The following ARL5B variants were observed in gnomAD, a reference collection of about 807,000 sequenced individuals.
ARL5B encodes ADP-ribosylation factor-like protein 5B.
A neutral mutation model predicts 26.9 loss-of-function variants in ARL5B; 10 were observed. That is an observed-to-expected ratio of 0.37 (90% CI 0.23 to 0.63). The LOEUF (loss-of-function observed/expected upper bound fraction) is 0.63, where lower values mean the gene tolerates loss of function less well. ARL5B is among the 30% of genes least tolerant of loss of function. ARL5B has a pLI of 0.62. For synonymous variants in ARL5B, 87 were observed against 70.4 expected (o/e 1.24, Z -1.18); for missense variants, 167 against 213.9 (o/e 0.78, Z 1.37).
Position 18,676,615 on chromosome 10 carries a change from G to C in ARL5B, c.*1399G>C, listed in dbSNP as rs371450710. 22 of 152,054 alleles carry C rather than the reference G, an allele frequency of 1.4e-4. No individual in the cohort carries two copies. The highest frequency in any genetic ancestry group is 5.1e-4 in the African/African-American group (21 of 41,532). The allele number at this position is 152,054 out of a possible 1,614,324, so 9.4% of individuals were successfully genotyped here. Reference sequence around the variant, plus strand: ...ATGAAAGGGATAAAATGAATACTTAGAGAATAATACTTCATTTTTGCAGTA... The same window carrying C: ...ATGAAAGGGATAAAATGAATACTTACAGAATAATACTTCATTTTTGCAGTA... On this transcript the variant is annotated 3_prime_UTR_variant, in exon 6 of 6. Coordinates refer to ENST00000377275, the MANE Select transcript of ARL5B (RefSeq NM_178815.5).
chr10:18,666,188 G>A (rs1430014047), intron 1 of ARL5B, among the ~76,000 whole-genome samples: 1 of 152,156 alleles, frequency 6.6e-6, no homozygotes, highest in Admixed American at 6.5e-5. Flanking sequence ...TTGATAAAAA[G>A]CTAACTTGAT....
At position 18,673,781 on chromosome 10, in the gene ARL5B, C is replaced by T. The variant is rs1188879897; in HGVS notation, c.340-203C>T. Among the ~76,000 whole-genome samples the T allele has an allele frequency of 2.7e-5, 4 of 150,494 alleles. No homozygotes were observed. In the East Asian group the frequency reaches 7.7e-4, roughly 29 times the overall value. On this transcript the variant is annotated intron_variant, in intron 4 of 5. Coordinates refer to ENST00000377275, the MANE Select transcript of ARL5B (RefSeq NM_178815.5). ...GTGTATTTTTTTTTTTCAGTTTGAC[C>T]AGTTCGACTCAAAAATAAAAAATAA...
chr10:18,666,772 G>A lies in ARL5B; in HGVS notation c.107+137G>A, dbSNP rs17623007. The A allele has an allele frequency of 7.0e-3, 4,488 of 642,122 alleles. 91 individuals are homozygous for A. The highest frequency in any genetic ancestry group is 0.046 in the African/African-American group (2,418 of 53,044). 39.8% of individuals were successfully genotyped at this position (642,122 alleles called of 1,614,324 possible). A position where few individuals can be genotyped will look rare whatever the true frequency, so the allele number is the denominator to read the frequency against. ...TGTTTTTTGTTTTTTTAATTTTACC[G>A]AACACAATCTATAGAAAAGTGAGTG... On this transcript the variant is annotated intron_variant, in intron 2 of 5. Coordinates refer to ENST00000377275, the MANE Select transcript of ARL5B (RefSeq NM_178815.5).
Position 18,672,659 on chromosome 10 carries a change from G to A in ARL5B, c.293G>A (p.Arg98Gln). The change falls in exon 4 of 6, where the codon CGA (arginine) becomes CAA (glutamine). Residue 98 changes from arginine (R) to glutamine (Q), a missense_variant. By Grantham distance (43) the Arg-to-Gln change is conservative. Coordinates refer to ENST00000377275, the MANE Select transcript of ARL5B (RefSeq NM_178815.5). ...GTTGTTGATAGCATTGACAGGGAACGACTAGCTATTACAAAAGAAGAATTA... is the reference window on the plus strand; with the variant it reads ...GTTGTTGATAGCATTGACAGGGAACAACTAGCTATTACAAAAGAAGAATTA... Reference protein sequence around the residue: ...ILVVDSIDRERLAITKEELYR... With the variant: ...ILVVDSIDREQLAITKEELYR... The A allele has an allele frequency of 6.2e-7, 1 of 1,610,388 alleles. No individual in the cohort carries two copies. The highest frequency in any genetic ancestry group is 8.5e-7 in the Non-Finnish European group (1 of 1,178,268).
rs188826799 is a variant in ARL5B at position 18,672,911 on chromosome 10, G to T, written c.339+206G>T. ...AAAAACCCTAACACATTAATTTGTA[G>T]ATTACTACTGTTATTGTAAAAATTT... On this transcript the variant is annotated intron_variant, in intron 4 of 5. Transcript: ENST00000377275. Among the ~76,000 whole-genome samples, 15 of 152,162 alleles carry T rather than the reference G, an allele frequency of 9.9e-5. No homozygotes were observed. The East Asian group carries it at 2.9e-3, about 29-fold the overall frequency.
chr10:18,674,235 T>G, intron 5 of ARL5B, 100 bp downstream of exon 5: 1 of 1,141,538 alleles, frequency 8.8e-7, no homozygotes, highest in Non-Finnish European at 1.2e-6. Flanking sequence ...CTTTTCTGTT[T>G]GTTTGTTCTT....
chr10:18,662,986 A>G (rs2059843807), intron 1 of ARL5B, among the ~76,000 whole-genome samples: 1 of 150,168 alleles, frequency 6.7e-6, no homozygotes, highest in South Asian at 2.1e-4. Flanking sequence ...TACAGACGTG[A>G]ACCACTATGC....
In ARL5B at chr10:18,668,520, T is replaced by G. The variant is rs776903577; in HGVS notation, c.108-10T>G. 2.7e-5 allele frequency: 44 copies of G among 1,612,990 alleles called. No individual in the cohort carries two copies. In the African/African-American group the frequency reaches 3.7e-4, roughly 14 times the overall value. On this transcript the variant is annotated splice_polypyrimidine_tract_variant and intron_variant, in intron 2 of 5. Transcript: ENST00000377275. ...TTACAAGAGCTTTTACGGTGTCTGT[T>G]TTTCAACAGCTTAATGAATGAAGTG...
At position 18,675,567 on chromosome 10, in the gene ARL5B, G is replaced by T. The variant is rs778075547; in HGVS notation, c.*351G>T. On this transcript the variant is annotated 3_prime_UTR_variant, in exon 6 of 6. Coordinates refer to ENST00000377275, the MANE Select transcript of ARL5B (RefSeq NM_178815.5). ...TAATGACCAATTGCTTTCAATTCTT[G>T]ACCAGCACTCCCTCCCAACCAGAGA... is the stretch of plus-strand genomic sequence containing the variant. 6 of 208,658 alleles carry T rather than the reference G, an allele frequency of 2.9e-5. No homozygotes were observed. The highest frequency in any genetic ancestry group is 1.1e-4 in the East Asian group (1 of 8,766). 12.9% of individuals were successfully genotyped at this position (208,658 alleles called of 1,614,324 possible).
At chr10:18,662,038 G>T (rs2059839263) in intron 1 of ARL5B, among the ~76,000 whole-genome samples, 1 of 152,206 alleles carries the variant, frequency 6.6e-6, no homozygotes, top group African/African-American at 2.4e-5. Flanking sequence ...ATCCACAGAT[G>T]TATCTTAGCC....
Position 18,659,467 on chromosome 10 carries a change from C to G in ARL5B, c.-171C>G, listed in dbSNP as rs906818595. 4 of 803,868 alleles carry G rather than the reference C, an allele frequency of 5.0e-6. No individual in the cohort carries two copies. The highest frequency in any genetic ancestry group is 3.7e-5 in the African/African-American group (2 of 53,810). 49.8% of individuals were successfully genotyped at this position (803,868 alleles called of 1,614,324 possible). A position where few individuals can be genotyped will look rare whatever the true frequency, so the allele number is the denominator to read the frequency against. ...AACAAAGGGCTGTCCGGTGGGGATT[C>G]GTCGCGGCGCCTTCTGAGTGGTCGG... On this transcript the variant is annotated 5_prime_UTR_variant, in exon 1 of 6. Coordinates refer to ENST00000377275, the MANE Select transcript of ARL5B (RefSeq NM_178815.5).
intron 5 of ARL5B, 74 bp downstream of exon 5, chr10:18,674,209 T>C (rs1034208286): frequency 7.1e-7 from 1 of 1,408,134 alleles, no homozygotes; most frequent in Admixed American, 2.2e-5. Flanking sequence ...ACTTGTTTTC[T>C]TCATGGGTCC....
rs376705082 is a variant in ARL5B, at chr10:18,681,299, A to G, written c.*6083A>G. On this transcript the variant is annotated 3_prime_UTR_variant, in exon 6 of 6. Coordinates refer to ENST00000377275, the MANE Select transcript of ARL5B (RefSeq NM_178815.5). ...AAAACAAGTAAATTAATGCATTCAC[A>G]TGATCACTTCTTGAAAATGGTTCAA... 139 of 152,362 alleles carry G rather than the reference A, an allele frequency of 9.1e-4. No individual in the cohort carries two copies. The highest frequency in any genetic ancestry group is 3.1e-3 in the African/African-American group (130 of 41,586). The allele number at this position is 152,362 out of a possible 1,614,324, so 9.4% of individuals were successfully genotyped here. A position where few individuals can be genotyped will look rare whatever the true frequency, so the allele number is the denominator to read the frequency against.
At chr10:18,668,143 A>G (rs1286713066) in intron 2 of ARL5B, among the ~76,000 whole-genome samples, 2 of 152,206 alleles carry the variant, frequency 1.3e-5, no homozygotes, top group Non-Finnish European at 2.9e-5. Flanking sequence ...ATAGCCTGCT[A>G]TCCAATATTT....
chr10:18,671,736 C>T (rs2059888476), intron 3 of ARL5B, among the ~76,000 whole-genome samples: 1 of 148,772 alleles, frequency 6.7e-6, no homozygotes, highest in South Asian at 2.2e-4. Context: ...TTGCATGATT[C>T]TCAGTACAGC....
At chr10:18,661,985 T>G (rs1457148200) in intron 1 of ARL5B, among the ~76,000 whole-genome samples, 1 of 152,184 alleles carries the variant, frequency 6.6e-6, no homozygotes, top group African/African-American at 2.4e-5. Context: ...GACTAAGACA[T>G]TAAACTCTCT....
At chr10:18,661,611 C>T (rs1277144248) in intron 1 of ARL5B, among the ~76,000 whole-genome samples, 1 of 152,110 alleles carries the variant, frequency 6.6e-6, no homozygotes, top group Non-Finnish European at 1.5e-5. Context: ...AGATACCTTA[C>T]TTCTTGGCAA....
At position 18,681,055 on chromosome 10, in the gene ARL5B, C is replaced by T. The variant is rs918271058; in HGVS notation, c.*5839C>T. 6.6e-6 allele frequency: 1 copy of T among 152,048 alleles called. No homozygotes were observed. The highest frequency in any genetic ancestry group is 6.6e-5 in the Admixed American group (1 of 15,242). The allele number at this position is 152,048 out of a possible 1,614,324, so 9.4% of individuals were successfully genotyped here. ...TACTCCTTAAGCTTCAGGCTTTCTG[C>T]GAAAGCTCTAAGAATATCTTCATTA... On this transcript the variant is annotated 3_prime_UTR_variant, in exon 6 of 6. Transcript: ENST00000377275.
At chr10:18,670,878 G>A (rs564469283) in intron 3 of ARL5B, among the ~76,000 whole-genome samples, 3 of 152,258 alleles carry the variant, frequency 2.0e-5, no homozygotes, top group East Asian at 1.9e-4. Context: ...TGCATGAAAC[G>A]TTCTTTTAAT....
Sources: gnomAD v4.1 joint callset for allele counts (sites outside exome capture counted in the v4.1 genomes callset) on GRCh38, gnomAD v4.1.1 for gene constraint, MANE v1.5 for transcripts, NCBI Gene and HGNC (gene_info 2026-07-23, HGNC 2026-07-21) for gene names.